The following PDE1C variants were observed in gnomAD, a reference collection of about 807,000 sequenced individuals.
PDE1C encodes phosphodiesterase 1C, also known as dual specificity calcium/calmodulin-dependent 3',5'-cyclic nucleotide phosphodiesterase 1C.
A neutral mutation model predicts 93.1 loss-of-function variants in PDE1C; 62 were observed. The observed-to-expected ratio is 0.67, with a 90% CI of 0.54 to 0.82. PDE1C has a LOEUF of 0.82. Ranked by LOEUF, PDE1C falls within the 40% of genes least tolerant of loss-of-function variation. The pLI is 0.00. For missense variants in PDE1C, 742 were observed against 884.6 expected (o/e 0.84, Z 2.04); for synonymous variants, 325 against 310.1 (o/e 1.05, Z -0.50).
chr7:31,854,946 A>G (rs907550010), intron 7 of PDE1C, among the ~76,000 whole-genome samples: 1 of 151,848 alleles, frequency 6.6e-6, no homozygotes, highest in African/African-American at 2.4e-5. Context: ...GGGTGCCTGT[A>G]ATCTCAGCTA....
chr7:31,711,576 A>G, the PDE1C span, among the ~76,000 whole-genome samples: 230 of 152,282 alleles, frequency 1.5e-3, 1 homozygote, highest in Middle Eastern at 3.4e-3. Context: ...TAAATTATAC[A>G]AGTGCTTTCT....
At chr7:32,049,378 C>A (rs1344161389) in intron 2 of PDE1C, among the ~76,000 whole-genome samples, 4 of 152,240 alleles carry the variant, frequency 2.6e-5, no homozygotes, top group Admixed American at 2.0e-4. Context: ...TTTGCTCAAC[C>A]CACTTTATTT....
At chr7:31,658,407 T>G in the PDE1C span, 1 of 1,486,394 alleles carries the variant, frequency 6.7e-7, no homozygotes, top group Non-Finnish European at 8.9e-7. Flanking sequence ...TTTTCTTTGT[T>G]GAGAAAATAA....
chr7:31,651,162 A>G, the PDE1C span: 1 of 1,613,494 alleles, frequency 6.2e-7, no homozygotes, highest in South Asian at 1.1e-5. Context: ...ATGAGATGGA[A>G]GCCATGAAGA....
chr7:32,166,569 G>T (rs1802288874), intron 3 of PDE1C, among the ~76,000 whole-genome samples: 1 of 152,222 alleles, frequency 6.6e-6, no homozygotes, highest in African/African-American at 2.4e-5. Flanking sequence ...CATATCCAGA[G>T]TTGAGATGGT....
chr7:32,358,881 T>TTGTG (rs66808716), intron 1 of PDE1C, among the ~76,000 whole-genome samples: 31 of 147,566 alleles, frequency 2.1e-4, no homozygotes, highest in African/African-American at 3.5e-4. Flanking sequence ...TCATCTAACA[T>TTGTG]TGTGTGTGTG....
At chr7:31,983,079 TA>T (rs1332494395) in intron 2 of PDE1C, among the ~76,000 whole-genome samples, 2 of 152,210 alleles carry the variant, frequency 1.3e-5, no homozygotes, top group Non-Finnish European at 2.9e-5. Flanking sequence ...TGTACTAGAA[TA>T]GCAATTAAAA....
chr7:31,801,881 T>C (rs1786096316), intron 16 of PDE1C, among the ~76,000 whole-genome samples: 1 of 150,560 alleles, frequency 6.6e-6, no homozygotes, highest in African/African-American at 2.5e-5. Context: ...TTTTTGATTG[T>C]TTTTGTTTTT....
chr7:32,409,466 A>G (rs956266978), intron 1 of PDE1C, among the ~76,000 whole-genome samples: 55 of 152,244 alleles, frequency 3.6e-4, no homozygotes, highest in African/African-American at 1.3e-3. Flanking sequence ...AGTAAAAACT[A>G]AAGACAAATC....
intron 1 of PDE1C, among the ~76,000 whole-genome samples, chr7:32,257,986 A>C (rs1246159980): frequency 6.6e-6 from 1 of 152,278 alleles, no homozygotes; most frequent in African/African-American, 2.4e-5. Flanking sequence ...TGCTCAGGCA[A>C]ATTGGATAAT....
In PDE1C at chr7:31,808,421, G is replaced by C. The variant is rs75256509; in HGVS notation, c.1891+610C>G. 2.0e-4 allele frequency among the ~76,000 whole-genome samples: 30 copies of C among 152,120 alleles called. 1 individual carries two copies. In the East Asian group the frequency reaches 5.8e-3, roughly 30 times the overall value. ...TCAATCTTATAGTTCAAAGTGTGAA[G>C]GGTAATATAATTTGAACTTTCAGGT... On this transcript the variant is annotated intron_variant, in intron 16 of 17. Transcript: ENST00000396191.
the PDE1C span, among the ~76,000 whole-genome samples, chr7:31,660,285 T>C: frequency 2.6e-5 from 4 of 152,332 alleles, no homozygotes; most frequent in South Asian, 4.2e-4. Context: ...AATAAATTTC[T>C]AAAAACTGCT....
intron 1 of PDE1C, among the ~76,000 whole-genome samples, chr7:32,304,712 T>G (rs1213922591): frequency 6.6e-6 from 1 of 152,106 alleles, no homozygotes; most frequent in Non-Finnish European, 1.5e-5. Flanking sequence ...CCTCTCTGAG[T>G]CTTAGTTTTT....
upstream of PDE1C, among the ~76,000 whole-genome samples, chr7:32,300,424 G>T (rs1470851089): frequency 1.1e-4 from 17 of 152,150 alleles, no homozygotes; most frequent in Admixed American, 1.0e-3. Flanking sequence ...GCAGTCAGGG[G>T]TGTTTCAAAA....
At chr7:31,617,190 AGATCCTATT>A in the PDE1C span, among the ~76,000 whole-genome samples, 1 of 152,330 alleles carries the variant, frequency 6.6e-6, no homozygotes, top group South Asian at 2.1e-4. Context: ...GGAGAAGGGA[AGATCCTATT>A]ATTTCTTCTA....
At chr7:32,295,296 G>C (rs77532636) in intron 1 of PDE1C, among the ~76,000 whole-genome samples, 4,332 of 152,316 alleles carry the variant, frequency 0.028, 122 homozygotes, top group African/African-American at 0.067. Context: ...AAAGTCCACT[G>C]TGGGAGGCAG....
the PDE1C span, among the ~76,000 whole-genome samples, chr7:31,665,743 C>G: frequency 3.3e-5 from 5 of 152,156 alleles, no homozygotes; most frequent in Non-Finnish European, 7.4e-5. Context: ...CAGATAGGGG[C>G]AAGTTCTTAG....
At chr7:32,364,163 T>G (rs2128086008) in intron 1 of PDE1C, among the ~76,000 whole-genome samples, 1 of 152,302 alleles carries the variant, frequency 6.6e-6, no homozygotes, top group Non-Finnish European at 1.5e-5. Flanking sequence ...GATTCCCCAT[T>G]GAGGTTTCCA....
chr7:31,991,288 G>A (rs933481902), intron 2 of PDE1C, among the ~76,000 whole-genome samples: 2 of 152,138 alleles, frequency 1.3e-5, no homozygotes, highest in Non-Finnish European at 2.9e-5. Context: ...GTCAAATTCA[G>A]AGCTCTGGTT....
Sources: allele counts gnomAD v4.1 joint callset (sites outside exome capture counted in the v4.1 genomes callset), GRCh38; gene constraint gnomAD v4.1.1; transcripts MANE v1.5; gene names NCBI Gene and HGNC (gene_info 2026-07-23, HGNC 2026-07-21).